The following LUZP1 variants were observed in gnomAD, a reference collection of about 807,000 sequenced individuals.
LUZP1 encodes leucine zipper protein 1, also known as filamin mechanobinding actin cross-linking protein.
Under a neutral mutation model 71.3 loss-of-function variants are expected in LUZP1, and 25 were observed. The ratio of observed to expected loss-of-function variants is 0.35; its 90% CI spans 0.26 to 0.49. LUZP1 has a LOEUF of 0.49. Ranked by LOEUF, LUZP1 falls within the 20% of genes least tolerant of loss-of-function variation. The probability of loss-of-function intolerance (pLI) is 0.99; values close to 1 mark genes in which losing one functional copy is unlikely to be tolerated. For missense variants in LUZP1, 1,142 were observed against 1,300.8 expected, an observed-to-expected ratio of 0.88 and a Z score of 1.88; for synonymous variants, 481 against 506.4, an observed-to-expected ratio of 0.95 and a Z score of 0.67.
intron 2 of LUZP1, among the ~76,000 whole-genome samples, chr1:23,139,019 AAT>A (rs1225155907): frequency 0.023 from 1,356 of 59,866 alleles, 33 homozygotes; most frequent in East Asian, 0.032. Flanking sequence ...AAAAAAAAAA[AAT>A]ATATATATAT....
chr1:23,129,491 G>A (rs1213053285), intron 2 of LUZP1, among the ~76,000 whole-genome samples: 1 of 152,180 alleles, frequency 6.6e-6, no homozygotes, highest in Non-Finnish European at 1.5e-5. Flanking sequence ...TGAGGCAGGA[G>A]AATTGCTTGA....
chr1:23,158,596 G>GAC, intron 2 of LUZP1, among the ~76,000 whole-genome samples: 1 of 141,834 alleles, frequency 7.1e-6, no homozygotes. Flanking sequence ...GCAGTGAGCC[G>GAC]AGATCGTGCC....
At chr1:23,173,749 T>C (rs1170072482) in intron 1 of LUZP1, among the ~76,000 whole-genome samples, 2 of 152,114 alleles carry the variant, frequency 1.3e-5, no homozygotes, top group African/African-American at 2.4e-5. Flanking sequence ...CTACAAGGTA[T>C]ACCAGCAGTG....
At chr1:23,095,019 G>C (rs755511851) in intron 3 of LUZP1, among the ~76,000 whole-genome samples, 1 of 152,082 alleles carries the variant, frequency 6.6e-6, no homozygotes, top group Non-Finnish European at 1.5e-5. Flanking sequence ...GAGTTGGCCC[G>C]ACCCAGCCAA....
At chr1:23,091,144 GA>G (rs1203627292) in intron 4 of LUZP1, 45 bp downstream of exon 3, 7 of 1,531,718 alleles carry the variant, frequency 4.6e-6, no homozygotes, top group Non-Finnish European at 5.3e-6. Context: ...GGCAAAGAAG[GA>G]AAAGGGAGGG....
At chr1:23,099,518 A>G (rs1007785106) in intron 3 of LUZP1, among the ~76,000 whole-genome samples, 1 of 152,222 alleles carries the variant, frequency 6.6e-6, no homozygotes, top group African/African-American at 2.4e-5. Flanking sequence ...CTCTCAGCAC[A>G]TCTTATTTGT....
At chr1:23,146,088 T>A (rs1433599050) in intron 2 of LUZP1, among the ~76,000 whole-genome samples, 6 of 152,124 alleles carry the variant, frequency 3.9e-5, no homozygotes, top group Non-Finnish European at 8.8e-5. Flanking sequence ...TGGAGTGCAG[T>A]GGTGCGATCT....
intron 4 of LUZP1, among the ~76,000 whole-genome samples, chr1:23,089,812 G>A (rs1422515994): frequency 1.3e-5 from 2 of 151,472 alleles, no homozygotes; most frequent in Non-Finnish European, 2.9e-5. Flanking sequence ...CCAGGCTGGA[G>A]TACAATGGTG....
intron 2 of LUZP1, among the ~76,000 whole-genome samples, chr1:23,110,066 C>G (rs1231843287): frequency 2.0e-5 from 3 of 152,152 alleles, no homozygotes; most frequent in Admixed American, 6.5e-5. Context: ...ATTTAAGTTT[C>G]AAGAAGTGAC....
chr1:23,127,056 T>C (rs1249162704), intron 2 of LUZP1, among the ~76,000 whole-genome samples: 2 of 152,244 alleles, frequency 1.3e-5, no homozygotes, highest in Non-Finnish European at 2.9e-5. Context: ...CGCTCTATTC[T>C]GCATTAGGTC....
intron 1 of LUZP1, among the ~76,000 whole-genome samples, chr1:23,169,416 C>T (rs1460683875): frequency 6.6e-6 from 1 of 152,172 alleles, no homozygotes; most frequent in East Asian, 1.9e-4. Flanking sequence ...TGGAAAGGTG[C>T]TTAGCCTAGA....
At chr1:23,170,595 T>C (rs1044929323) in intron 1 of LUZP1, among the ~76,000 whole-genome samples, 1 of 151,712 alleles carries the variant, frequency 6.6e-6, no homozygotes, top group Non-Finnish European at 1.5e-5. Flanking sequence ...GCCTCCCAAG[T>C]AGCTGGGATT....
At chr1:23,170,191 C>A (rs906937826) in intron 1 of LUZP1, among the ~76,000 whole-genome samples, 1 of 152,130 alleles carries the variant, frequency 6.6e-6, no homozygotes, top group Non-Finnish European at 1.5e-5. Context: ...AAGAACTGAC[C>A]TCCCATTTGT....
exon 5 of LUZP1, chr1:23,088,151 G>C (rs1215035175): frequency 6.5e-6 from 1 of 152,792 alleles, no homozygotes; most frequent in Non-Finnish European, 1.5e-5. Flanking sequence ...CTCAGGAAAG[G>C]AGATGCATGA....
chr1:23,091,077 T>C (rs1643844332), intron 4 of LUZP1, 113 bp downstream of exon 3: 1 of 1,114,388 alleles, frequency 9.0e-7, no homozygotes, highest in Non-Finnish European at 1.3e-6. Context: ...AACCCAGTTC[T>C]ACTCAGTTCT....
At chr1:23,104,190 T>C (rs61705603) in intron 3 of LUZP1, among the ~76,000 whole-genome samples, 1,918 of 151,788 alleles carry the variant, frequency 0.013, 55 homozygotes, top group African/African-American at 0.044. Context: ...TTTTCTTTTT[T>C]TTTTTTTGAG....
At chr1:23,175,435 G>A (rs906758666) in intron 1 of LUZP1, among the ~76,000 whole-genome samples, 13 of 152,276 alleles carry the variant, frequency 8.5e-5, no homozygotes, top group South Asian at 8.3e-4. Flanking sequence ...GGTCTCACTC[G>A]TCTTTGGACC....
chr1:23,147,612 CAAAAAAAAAAAAAA>C (rs774893320), intron 2 of LUZP1, among the ~76,000 whole-genome samples: 2 of 61,464 alleles, frequency 3.3e-5, no homozygotes, highest in African/African-American at 1.3e-4. Context: ...AGTCTCTACC[CAAAAAAAAAAAAAA>C]AAAAAAAAAA....
intron 2 of LUZP1, among the ~76,000 whole-genome samples, chr1:23,136,398 C>A (rs1463234237): frequency 6.6e-6 from 1 of 151,212 alleles, no homozygotes; most frequent in South Asian, 2.1e-4. Context: ...AAACGTAAAA[C>A]AGCATTACAT....
Sources: allele counts gnomAD v4.1 joint callset (sites outside exome capture counted in the v4.1 genomes callset), GRCh38; gene constraint gnomAD v4.1.1; transcripts MANE v1.5; gene names NCBI Gene and HGNC (gene_info 2026-07-23, HGNC 2026-07-21).